AGMO: variants seen among roughly 807,000 people sequenced by gnomAD.
AGMO encodes the protein glyceryl-ether monooxygenase.
A neutral mutation model predicts 60.2 loss-of-function variants in AGMO; 75 were observed. That is an observed-to-expected ratio of 1.25 (90% CI 1.03 to 1.51). The LOEUF is 1.51. Among genes scored for constraint, AGMO ranks in the 40% most tolerant of loss-of-function variants. The pLI is 0.00. For missense variants in AGMO, 763 were observed against 525.5 expected, an observed-to-expected ratio of 1.45 and a Z score of -4.42; for synonymous variants, 261 against 177.1, an observed-to-expected ratio of 1.47 and a Z score of -3.76.
intron 3 of AGMO, among the ~76,000 whole-genome samples, chr7:15,487,526 G>C (rs1444875051): frequency 6.6e-6 from 1 of 151,946 alleles, no homozygotes; most frequent in South Asian, 2.1e-4. Context: ...CATATATCAG[G>C]TATCATGTTT....
At chr7:15,252,407 G>T (rs1239966029) in intron 12 of AGMO, among the ~76,000 whole-genome samples, 1 of 152,176 alleles carries the variant, frequency 6.6e-6, no homozygotes, top group African/African-American at 2.4e-5. Context: ...ATATGGCAAA[G>T]GCTGCAGGAT....
intron 12 of AGMO, among the ~76,000 whole-genome samples, chr7:15,247,752 TTTAA>T (rs942497710): frequency 1.3e-5 from 2 of 152,034 alleles, no homozygotes; most frequent in Non-Finnish European, 2.9e-5. Context: ...CAGTGAAAGA[TTTAA>T]TTATTCATTT....
At chr7:15,502,600 T>C (rs1783415185) in intron 3 of AGMO, among the ~76,000 whole-genome samples, 1 of 151,716 alleles carries the variant, frequency 6.6e-6, no homozygotes, top group Non-Finnish European at 1.5e-5. Flanking sequence ...AGGGCCACCC[T>C]AGGAAATGCC....
intron 2 of AGMO, among the ~76,000 whole-genome samples, chr7:15,545,207 T>G (rs1349613084): frequency 6.6e-6 from 1 of 152,144 alleles, no homozygotes; most frequent in Admixed American, 6.6e-5. Context: ...TCTTAAAATA[T>G]TTTTCATGGA....
At chr7:15,371,999 C>G (rs1206224841) in intron 10 of AGMO, among the ~76,000 whole-genome samples, 1 of 151,682 alleles carries the variant, frequency 6.6e-6, no homozygotes, top group African/African-American at 2.4e-5. Flanking sequence ...CAGAATATCC[C>G]AAAAATGAGT....
At chr7:15,477,322 G>C (rs1417514281) in intron 3 of AGMO, among the ~76,000 whole-genome samples, 1 of 151,994 alleles carries the variant, frequency 6.6e-6, no homozygotes, top group Non-Finnish European at 1.5e-5. Context: ...ACTAAAATGG[G>C]TTATAAAATA....
At chr7:15,223,342 A>C (rs1005046112) in intron 12 of AGMO, among the ~76,000 whole-genome samples, 1 of 151,938 alleles carries the variant, frequency 6.6e-6, no homozygotes, top group Non-Finnish European at 1.5e-5. Context: ...TTTTTGATAA[A>C]ATTGTAGCTT....
intron 10 of AGMO, among the ~76,000 whole-genome samples, chr7:15,373,195 T>C: frequency 6.6e-6 from 1 of 151,982 alleles, no homozygotes; most frequent in East Asian, 1.9e-4. Flanking sequence ...CAAGAACTGA[T>C]TGAAACTGGG....
chr7:15,184,461 A>AT, the AGMO span, among the ~76,000 whole-genome samples: 89 of 134,310 alleles, frequency 6.6e-4, no homozygotes, highest in Non-Finnish European at 1.2e-3. Flanking sequence ...GAAGGGAGGT[A>AT]AGAAGGAAGG....
chr7:15,380,684 A>G (rs11982815), intron 10 of AGMO, among the ~76,000 whole-genome samples: 37,773 of 152,124 alleles, frequency 0.25, 5,334 homozygotes, highest in African/African-American at 0.38. Flanking sequence ...AAACTACTTT[A>G]AAATGCACAT....
At chr7:15,326,346 T>C (rs550744223) in intron 12 of AGMO, among the ~76,000 whole-genome samples, 2 of 152,264 alleles carry the variant, frequency 1.3e-5, no homozygotes, top group Non-Finnish European at 2.9e-5. Flanking sequence ...GGATGATAGG[T>C]GTTTTTTAGA....
At chr7:15,157,615 T>C in the AGMO span, among the ~76,000 whole-genome samples, 46 of 152,280 alleles carry the variant, frequency 3.0e-4, no homozygotes, top group African/African-American at 1.1e-3. Context: ...AAGAGACTTA[T>C]CCCAACTCAT....
At chr7:15,397,100 G>A (rs1784420862) in intron 5 of AGMO, among the ~76,000 whole-genome samples, 1 of 152,138 alleles carries the variant, frequency 6.6e-6, no homozygotes, top group African/African-American at 2.4e-5. Context: ...CACCCGCCAG[G>A]AAACTTTGCG....
At chr7:15,216,917 T>C (rs903495129) in intron 12 of AGMO, among the ~76,000 whole-genome samples, 5 of 151,720 alleles carry the variant, frequency 3.3e-5, no homozygotes, top group Admixed American at 6.6e-5. Flanking sequence ...ATGTGAAATA[T>C]AGATGTACAT....
chr7:15,392,871 G>A (rs1012502365), intron 6 of AGMO, among the ~76,000 whole-genome samples: 2 of 152,040 alleles, frequency 1.3e-5, no homozygotes, highest in Non-Finnish European at 2.9e-5. Flanking sequence ...TCATAGCTTC[G>A]CCTAGCCTGC....
At chr7:15,332,167 T>A (rs771601046) in intron 12 of AGMO, among the ~76,000 whole-genome samples, 5 of 152,030 alleles carry the variant, frequency 3.3e-5, no homozygotes, top group African/African-American at 1.2e-4. Flanking sequence ...AAACTTACAA[T>A]CGTGTTAAGC....
rs1784171666 is a variant in AGMO at position 15,288,757 on chromosome 7, T to C, written c.1263+76757A>G. On this transcript the variant is annotated intron_variant, in intron 12 of 12. Transcript: ENST00000342526. Reference sequence around the variant, plus strand: ...TATAGCAATAGATTTGAGGAATAAATCATCCTGAAAAAAAAAAAAGAAAGA... The same window carrying C: ...TATAGCAATAGATTTGAGGAATAAACCATCCTGAAAAAAAAAAAAGAAAGA... Among the ~76,000 whole-genome samples, 5 of 136,148 alleles carry C rather than the reference T, an allele frequency of 3.7e-5. No individual in the cohort carries two copies. The South Asian group carries it at 1.1e-3, about 31-fold the overall frequency. The allele number at this position is 136,148 out of a possible 152,430, so 89.3% of individuals were successfully genotyped here.
At chr7:15,384,154 G>A (rs1783816341) in intron 10 of AGMO, among the ~76,000 whole-genome samples, 1 of 151,992 alleles carries the variant, frequency 6.6e-6, no homozygotes, top group African/African-American at 2.4e-5. Flanking sequence ...AGCCAGGATG[G>A]TCTCGATCTC....
chr7:15,560,965 G>T (rs968818424), intron 1 of AGMO, among the ~76,000 whole-genome samples: 3 of 152,096 alleles, frequency 2.0e-5, no homozygotes, highest in African/African-American at 7.2e-5. Flanking sequence ...CAGAAAGAAA[G>T]TGTAATATCT....
Sources: allele counts gnomAD v4.1 joint callset (sites outside exome capture counted in the v4.1 genomes callset), GRCh38; gene constraint gnomAD v4.1.1; transcripts MANE v1.5; gene names NCBI Gene and HGNC (gene_info 2026-07-23, HGNC 2026-07-21).